ARHGEF11: variants seen among roughly 807,000 people sequenced by gnomAD.
ARHGEF11 encodes Rho guanine exchange factor (GEF) 11.
ARHGEF11 carries 55 observed loss-of-function variants against 193.7 expected under a neutral mutation model. The observed-to-expected ratio is 0.28, with a 90% CI of 0.23 to 0.36. The LOEUF is 0.36. ARHGEF11 is among the 10% of genes least tolerant of loss of function. The pLI is 1.00. For missense variants in ARHGEF11, 1,723 were observed against 2,005.6 expected (o/e 0.86, Z 2.69); for synonymous variants, 693 against 768.0 (o/e 0.90, Z 1.62).
chr1:157,024,342 T>C (rs1247645933), intron 1 of ARHGEF11, among the ~76,000 whole-genome samples: 1 of 152,198 alleles, frequency 6.6e-6, no homozygotes, highest in Non-Finnish European at 1.5e-5. Context: ...TGAAAATTTC[T>C]GGAATTATAG....
chr1:157,045,443 A>G lies in ARHGEF11; in HGVS notation c.-1113T>C, dbSNP rs542090799. The G allele has an allele frequency of 6.6e-6, 1 of 151,896 alleles. No homozygotes were observed. Among genetic ancestry groups the G allele is most frequent in the South Asian group, 2.1e-4 (1 of 4,810 alleles). 9.4% of individuals were successfully genotyped at this position (151,896 alleles called of 1,614,324 possible). A position where few individuals can be genotyped will look rare whatever the true frequency, so the allele number is the denominator to read the frequency against. On this transcript the variant is annotated 5_prime_UTR_variant, in exon 1 of 41. Coordinates refer to ENST00000368194, the MANE Select transcript of ARHGEF11 (RefSeq NM_198236.3). ...GACGGCTCCCTTATTATTCGTTCGG[A>G]TTATTATTGTGGATTTGAGTTCGAG... is the stretch of plus-strand genomic sequence containing the variant.
chr1:156,939,975 G>A (rs1035376394), intron 36 of ARHGEF11, 65 bp from the exon 37 acceptor site: 1 of 1,574,066 alleles, frequency 6.4e-7, no homozygotes, highest in Non-Finnish European at 8.5e-7. Context: ...AAGGATCGTT[G>A]TACTGCCCCA....
At chr1:156,996,689 C>G (rs138470665) in intron 1 of ARHGEF11, among the ~76,000 whole-genome samples, 3 of 144,300 alleles carry the variant, frequency 2.1e-5, no homozygotes, top group Admixed American at 1.4e-4. Context: ...AGGAGAATGG[C>G]GTGAACCCGG....
intron 1 of ARHGEF11, among the ~76,000 whole-genome samples, chr1:156,990,956 TC>T (rs894163047): frequency 6.6e-6 from 1 of 152,204 alleles, no homozygotes; most frequent in Non-Finnish European, 1.5e-5. Flanking sequence ...TGCTGAGCTG[TC>T]CCTCGTTCCA....
At chr1:157,008,095 A>C (rs1668070649) in intron 1 of ARHGEF11, among the ~76,000 whole-genome samples, 1 of 152,152 alleles carries the variant, frequency 6.6e-6, no homozygotes, top group Non-Finnish European at 1.5e-5. Flanking sequence ...ATGTAGAGGG[A>C]AACATTTCAT....
In ARHGEF11 at chr1:156,947,771, T is replaced by C; in HGVS notation, c.2339A>G (p.Asn780Ser). 2 of 1,612,900 alleles carry C rather than the reference T, an allele frequency of 1.2e-6. No homozygotes were observed. Among genetic ancestry groups the C allele is most frequent in the Non-Finnish European group, 1.7e-6 (2 of 1,179,918 alleles). The change falls in exon 25 of 41, where the codon AAT (asparagine) becomes AGT (serine). Residue 780 changes from asparagine (N) to serine (S), a missense_variant and splice_region_variant. By Grantham distance (46) the Asn-to-Ser change is conservative. Around this residue, in one of 5 missense-constraint regions of ARHGEF11, gnomAD observed 491 missense variants for 654.5 expected, o/e 0.75. Transcript: ENST00000368194. ...QREIDRQEVI[N>S]ELFVTEASHL... ...GGGGCAGTGGAGCACGTTCTCACCA[T>C]TGATGACCTCTTGCCGGTCAATCTC... is the stretch of plus-strand genomic sequence containing the variant.
At chr1:156,940,080 G>A (rs1014108390) in intron 36 of ARHGEF11, 127 bp downstream of exon 36, 57 of 1,391,692 alleles carry the variant, frequency 4.1e-5, no homozygotes, top group African/African-American at 7.3e-5. Flanking sequence ...ATCTGTCTCC[G>A]CATCCATCTC....
At chr1:156,976,308 G>A (rs996274767) in intron 7 of ARHGEF11, among the ~76,000 whole-genome samples, 6 of 151,892 alleles carry the variant, frequency 4.0e-5, no homozygotes, top group African/African-American at 1.5e-4. Flanking sequence ...TCTGTGAAGT[G>A]CTTCCCCATA....
At chr1:156,985,489 T>A (rs1258233279) in intron 2 of ARHGEF11, among the ~76,000 whole-genome samples, 1 of 152,112 alleles carries the variant, frequency 6.6e-6, no homozygotes, top group Non-Finnish European at 1.5e-5. Flanking sequence ...AATGGCGCGA[T>A]CTCGACTCAC....
At chr1:157,020,072 CA>C (rs1391432060) in intron 1 of ARHGEF11, among the ~76,000 whole-genome samples, 1 of 148,800 alleles carries the variant, frequency 6.7e-6, no homozygotes, top group East Asian at 2.0e-4. Flanking sequence ...TGCAGTGAGC[CA>C]AGATCACGCC....
chr1:156,980,763 C>A (rs144135581), intron 3 of ARHGEF11, among the ~76,000 whole-genome samples: 1 of 134,356 alleles, frequency 7.4e-6, no homozygotes, highest in Non-Finnish European at 1.5e-5. Flanking sequence ...CAGGGCCAGG[C>A]TCTGGGAAGA....
At chr1:156,957,329 T>C (rs1333661226) in intron 18 of ARHGEF11, among the ~76,000 whole-genome samples, 2 of 151,888 alleles carry the variant, frequency 1.3e-5, no homozygotes, top group African/African-American at 2.4e-5. Flanking sequence ...GAGATAAATA[T>C]ATAGGCTGCA....
At chr1:156,945,982 G>T in intron 29 of ARHGEF11, 63 bp downstream of exon 29, 2 of 1,360,276 alleles carry the variant, frequency 1.5e-6, no homozygotes, top group Admixed American at 1.7e-5. Flanking sequence ...ACAAAGCAGT[G>T]TCAGAATGAG....
chr1:156,961,181 C>T (rs1330218644), intron 14 of ARHGEF11, among the ~76,000 whole-genome samples: 2 of 152,220 alleles, frequency 1.3e-5, no homozygotes, highest in Non-Finnish European at 2.9e-5. Context: ...TGACATACCC[C>T]GGGAACTCTG....
chr1:156,947,151 T>G (rs1262857770), intron 26 of ARHGEF11, 136 bp from the exon 27 acceptor site: 2 of 1,455,202 alleles, frequency 1.4e-6, no homozygotes, highest in Non-Finnish European at 1.9e-6. Flanking sequence ...CGGGGTGAAC[T>G]CCAGTGCTGG....
chr1:157,012,642 G>C (rs563060438), intron 1 of ARHGEF11, among the ~76,000 whole-genome samples: 1 of 152,114 alleles, frequency 6.6e-6, no homozygotes, highest in Non-Finnish European at 1.5e-5. Flanking sequence ...ACTCTGAATG[G>C]GTAACTGTTG....
rs1156488358 is a variant in ARHGEF11, at chr1:157,036,056, AAT to A, written c.32+8241_32+8242del. Among the ~76,000 whole-genome samples, 354 of 143,388 alleles carry A rather than the reference AAT, an allele frequency of 2.5e-3. 6 individuals carry two copies. The highest frequency in any genetic ancestry group is 8.6e-3 in the African/African-American group (336 of 39,202). 94.1% of individuals were successfully genotyped at this position (143,388 alleles called of 152,430 possible). A position where few individuals can be genotyped will look rare whatever the true frequency, so the allele number is the denominator to read the frequency against. ...GAATATATATATGAATCTATATAGGAATATATATATGAATCTATATGAATATA... is the reference window on the plus strand; with the variant it reads ...GAATATATATATGAATCTATATAGGAATATATATGAATCTATATGAATATA... On this transcript the variant is annotated intron_variant, in intron 1 of 40. Transcript: ENST00000368194.
rs1481371775 is a variant in ARHGEF11, at chr1:156,948,462, G to A, written c.1962C>T (p.Ser654=). 5.0e-6 allele frequency: 8 copies of A among 1,614,234 alleles called. No homozygotes were observed. Among genetic ancestry groups the A allele is most frequent in the South Asian group, 1.1e-5 (1 of 91,088 alleles). The part of the protein sequence containing the change: ...RSEIRLGRSE[S]LKGREEMKRS... ...GTTTCATCTCTTCCCGGCCCTTGAG[G>A]CTTTCAGAGCGGCCCAGGCGAATCT... is the stretch of plus-strand genomic sequence containing the variant. Residue 654 remains serine, a synonymous_variant, in exon 23 of 41, where the codon AGC becomes AGT. Coordinates refer to ENST00000368194, the MANE Select transcript of ARHGEF11 (RefSeq NM_198236.3). This position sits in a 1 kb window ranked among gnomAD's most constrained non-coding sequence, Gnocchi z 4.2.
intron 1 of ARHGEF11, among the ~76,000 whole-genome samples, chr1:157,004,463 G>A (rs1423662726): frequency 6.6e-6 from 1 of 152,196 alleles, no homozygotes; most frequent in Non-Finnish European, 1.5e-5. Context: ...AAGGCAGGGA[G>A]TAATTAGGCC....
Sources: allele counts gnomAD v4.1 joint callset (sites outside exome capture counted in the v4.1 genomes callset), GRCh38; gene constraint gnomAD v4.1.1; regional missense constraint gnomAD v4.1.1; non-coding constraint Gnocchi (gnomAD v3.1); transcripts MANE v1.5; gene names NCBI Gene and HGNC (gene_info 2026-07-23, HGNC 2026-07-21).